Variants in PIGW observed in about 807,000 individuals in gnomAD.
PIGW encodes the protein glucosaminyl-phosphatidylinositol-acyltransferase PIGW.
In PIGW, 23 loss-of-function variants were observed where a neutral mutation model predicts 34.0. The ratio of observed to expected loss-of-function variants is 0.68; its 90% CI spans 0.49 to 0.96. The LOEUF is 0.96. Among genes scored for constraint, PIGW ranks in the 40% least tolerant of loss-of-function variants. The pLI, the probability that PIGW is intolerant of heterozygous loss-of-function variation, is 0.00. For missense variants in PIGW, 574 were observed against 586.3 expected, an observed-to-expected ratio of 0.98 and a Z score of 0.22; for synonymous variants, 225 against 225.2, an observed-to-expected ratio of 1.00 and a Z score of 0.01.
intron 1 of PIGW, among the ~76,000 whole-genome samples, chr17:36,536,496 G>A (rs1176908506): frequency 6.7e-6 from 1 of 149,710 alleles, no homozygotes; most frequent in African/African-American, 2.5e-5. Context: ...TCCCAAATTC[G>A]CTCTCTTTTC....
intron 1 of PIGW, among the ~76,000 whole-genome samples, chr17:36,536,848 C>T (rs929585351): frequency 6.6e-6 from 1 of 152,186 alleles, no homozygotes; most frequent in African/African-American, 2.4e-5. Context: ...CTGTCTTGTA[C>T]AGGGAATAGC....
At position 36,538,089 on chromosome 17, in the gene PIGW, C is replaced by G; in HGVS notation, c.988C>G (p.Arg330Gly). 1 of 1,614,134 alleles carries G rather than the reference C, an allele frequency of 6.2e-7. No individual in the cohort carries two copies. The highest frequency in any genetic ancestry group is 1.1e-5 in the South Asian group (1 of 91,082). Residue 330 changes from arginine (R) to glycine (G), a missense_variant, in exon 2 of 2, where the codon CGA (arginine) becomes GGA (glycine). Transcript: ENST00000614443. The stretch of plus-strand genomic sequence containing the variant: ...AACAGGGTTATATATGCATAAGAAC[C>G]GATCACATATCAAAGACTTGATAAA... Reference protein sequence around the residue: ...VQTGLYMHKNRSHIKDLIKVA... With the variant: ...VQTGLYMHKNGSHIKDLIKVA...
chr17:36,538,562 C>A lies in PIGW; in HGVS notation c.1461C>A (p.Asn487Lys). The A allele has an allele frequency of 6.2e-7, 1 of 1,613,602 alleles. No homozygotes were observed. The highest frequency in any genetic ancestry group is 1.3e-5 in the African/African-American group (1 of 75,004). Reference protein sequence around the residue: ...LFVVNLYMFSNCLIVYVLYLQ... With the variant: ...LFVVNLYMFSKCLIVYVLYLQ... ...TGGTCAATCTCTATATGTTTTCCAA[C>A]TGTTTAATTGTATATGTACTATATT... Residue 487 changes from asparagine (N) to lysine (K), a missense_variant, in exon 2 of 2, where the codon AAC (asparagine) becomes AAA (lysine). Physicochemically the swap from Asn to Lys is moderately conservative, Grantham distance 94 (BLOSUM62 0). Coordinates refer to ENST00000614443, the MANE Select transcript of PIGW (RefSeq NM_001346754.2).
rs1567808826 is a variant in PIGW at position 36,537,657 on chromosome 17, A to T, written c.556A>T (p.Arg186Trp). 6.2e-7 allele frequency: 1 copy of T among 1,614,208 alleles called. No individual in the cohort carries two copies. ...GTCTGCAATGGTTTGTCTAGAGGTC[A>T]GGAGGAGAAAATATATGGAAGGGTC... ...FGSAMVCLEV[R>W]RRKYMEGSKL... Residue 186 changes from arginine (R) to tryptophan (W), a missense_variant, in exon 2 of 2, where the codon AGG (arginine) becomes TGG (tryptophan). Arg to Trp is a moderately radical substitution (Grantham distance 101). Coordinates refer to ENST00000614443, the MANE Select transcript of PIGW (RefSeq NM_001346754.2).
At position 36,538,622 on chromosome 17, in the gene PIGW, A is replaced by T; in HGVS notation, c.*6A>T. ...AGACTGTACAATTTTGGTGATCAGC[A>T]GGAGTAGGATATATAAGTATTTGGG... On this transcript the variant is annotated 3_prime_UTR_variant, in exon 2 of 2. Transcript: ENST00000614443. 1 of 1,570,660 alleles carries T rather than the reference A, an allele frequency of 6.4e-7. No homozygotes were observed. The highest frequency in any genetic ancestry group is 8.7e-7 in the Non-Finnish European group (1 of 1,149,980).
chr17:36,537,911 A>G lies in PIGW; in HGVS notation c.810A>G (p.Val270=), dbSNP rs1314718849. The G allele has an allele frequency of 6.2e-7, 1 of 1,614,064 alleles. No individual in the cohort carries two copies. The highest frequency in any genetic ancestry group is 1.7e-5 in the Admixed American group (1 of 60,014). The change falls in exon 2 of 2, where the codon GTA becomes GTG. Residue 270 remains valine (V), a synonymous_variant. Coordinates refer to ENST00000614443, the MANE Select transcript of PIGW (RefSeq NM_001346754.2). ...GGATTATTGCCCTCGGCATTACTGT[A>G]TTATACCAGCTAGCCCTTGACTTTA... ...KSWIIALGIT[V]LYQLALDFTS...
Position 36,537,393 on chromosome 17 carries a change from T to C in PIGW, c.292T>C (p.Tyr98His), listed in dbSNP as rs144724068. The change falls in exon 2 of 2, where the codon TAC becomes CAC. Residue 98 changes from tyrosine (Y) to histidine (H), a missense_variant. Coordinates refer to ENST00000614443, the MANE Select transcript of PIGW (RefSeq NM_001346754.2). ...TGGGGCAGGGCTGTTGTATCAAATA[T>C]ACCGAAGGAGGACCTGCTATGCCAG... Reference protein sequence around the residue: ...IFGAGLLYQIYRRRTCYARLP... With the variant: ...IFGAGLLYQIHRRRTCYARLP... The C allele has an allele frequency of 1.7e-5, 27 of 1,613,946 alleles. No homozygotes were observed. Among genetic ancestry groups the C allele is most frequent in the Non-Finnish European group, 2.3e-5 (27 of 1,180,034 alleles).
chr17:36,537,697 T>G lies in PIGW; in HGVS notation c.596T>G (p.Phe199Cys). The G allele has an allele frequency of 6.2e-7, 1 of 1,614,170 alleles. No homozygotes were observed. Among genetic ancestry groups the G allele is most frequent in the Non-Finnish European group, 8.5e-7 (1 of 1,180,040 alleles). The change falls in exon 2 of 2, where the codon TTT (phenylalanine) becomes TGT (cysteine). Residue 199 changes from phenylalanine to cysteine, a missense_variant. Transcript: ENST00000614443. ...KYMEGSKLHY[F>C]TNSLYSVWPL... Reference sequence around the variant, plus strand: ...ATGGAAGGGTCCAAATTGCATTACTTTACAAACTCATTGTACTCTGTTTGG... The same window carrying G: ...ATGGAAGGGTCCAAATTGCATTACTGTACAAACTCATTGTACTCTGTTTGG...
chr17:36,535,084 T>C lies in PIGW; in HGVS notation c.-517T>C, dbSNP rs1288117599. ...GATGTTTTGCGACCCTGGGGTAAAA[T>C]GAGGGTAAAGCGGCAGCTTCCCACG... is the stretch of plus-strand genomic sequence containing the variant. On this transcript the variant is annotated 5_prime_UTR_variant, in exon 1 of 2. An upstream start codon of the reference 5' UTR is lost. Transcript: ENST00000614443. The C allele has an allele frequency of 3.3e-5, 5 of 152,210 alleles. No homozygotes were observed. The highest frequency in any genetic ancestry group is 4.8e-5 in the African/African-American group (2 of 41,404). 9.4% of individuals were successfully genotyped at this position (152,210 alleles called of 1,614,324 possible).
At position 36,538,233 on chromosome 17, in the gene PIGW, G is replaced by C. The variant is rs79448900; in HGVS notation, c.1132G>C (p.Val378Leu). Residue 378 changes from valine (V) to leucine (L), a missense_variant, in exon 2 of 2, where the codon GTT becomes CTT. Physicochemically the swap from Val to Leu is conservative, Grantham distance 32. Coordinates refer to ENST00000614443, the MANE Select transcript of PIGW (RefSeq NM_001346754.2). ...AAATTTAGCCTTTTGTATTTGGATA[G>C]TTGCTTCTAGCCTGATCCTTCTTAG... Reference protein sequence around the residue: ...MANLAFCIWIVASSLILLSSL... With the variant: ...MANLAFCIWILASSLILLSSL... 781 of 1,613,104 alleles carry C rather than the reference G, an allele frequency of 4.8e-4. 2 individuals carry two copies. In the African/African-American group the frequency reaches 8.5e-3, roughly 17 times the overall value.
In PIGW at chr17:36,538,436, C is replaced by T. The variant is rs777402145; in HGVS notation, c.1335C>T (p.Asn445=). Residue 445 remains asparagine, a synonymous_variant, in exon 2 of 2, where the codon AAC becomes AAT. Coordinates refer to ENST00000614443, the MANE Select transcript of PIGW (RefSeq NM_001346754.2). ...EPSLCLITAL[N]RKQLIFFLLS... ...GTCTTTGTTTAATCACAGCTCTAAA[C>T]AGAAAACAGTTAATATTTTTCTTGC... is the stretch of plus-strand genomic sequence containing the variant. 2 of 1,614,122 alleles carry T rather than the reference C, an allele frequency of 1.2e-6. No homozygotes were observed. Among genetic ancestry groups the T allele is most frequent in the Non-Finnish European group, 8.5e-7 (1 of 1,180,016 alleles).
Position 36,537,476 on chromosome 17 carries a change from C to T in PIGW, c.375C>T (p.Tyr125=), listed in dbSNP as rs757276440. The T allele has an allele frequency of 3.1e-6, 5 of 1,614,132 alleles. No homozygotes were observed. Among genetic ancestry groups the T allele is most frequent in the Non-Finnish European group, 4.2e-6 (5 of 1,180,012 alleles). Residue 125 remains tyrosine, a synonymous_variant, in exon 2 of 2, where the codon TAC becomes TAT. Transcript: ENST00000614443. ...KFLNISLESE[Y]NPAISCFRVI... is the part of the protein sequence containing the mutation. The stretch of plus-strand genomic sequence containing the variant: ...TGAACATCAGTCTAGAATCAGAATA[C>T]AATCCAGCCATCTCCTGTTTCCGTG...
At chr17:36,537,018 A>C (rs1245451151) in intron 1 of PIGW, 76 bp from the exon 2 acceptor site, 1 of 1,305,994 alleles carries the variant, frequency 7.7e-7, no homozygotes, top group Non-Finnish European at 1.1e-6. Flanking sequence ...TAATAAGAGT[A>C]AAATTAAGCC....
intron 1 of PIGW, 75 bp downstream of exon 1, chr17:36,535,667 A>AT (rs1033283490): frequency 6.6e-6 from 1 of 152,158 alleles, no homozygotes; most frequent in Non-Finnish European, 1.5e-5. Flanking sequence ...TTTTATGTTT[A>AT]TTTTTTAAGA....
chr17:36,535,562 C>T lies in PIGW; in HGVS notation c.-39C>T, dbSNP rs559654176. On this transcript the variant is annotated 5_prime_UTR_variant, in exon 1 of 2. Coordinates refer to ENST00000614443, the MANE Select transcript of PIGW (RefSeq NM_001346754.2). Reference sequence around the variant, plus strand: ...AGTCCGGCTGCCCTTCCCACGTAGACCGTCTGCTGGGGGCGCCGGCACCAT... The same window carrying T: ...AGTCCGGCTGCCCTTCCCACGTAGATCGTCTGCTGGGGGCGCCGGCACCAT... The T allele has an allele frequency of 1.3e-5, 2 of 152,388 alleles. No individual in the cohort carries two copies. Among genetic ancestry groups the T allele is most frequent in the Admixed American group, 6.5e-5 (1 of 15,306 alleles). The allele number at this position is 152,388 out of a possible 1,614,324, so 9.4% of individuals were successfully genotyped here.
chr17:36,536,806 C>T (rs775158962), intron 1 of PIGW, among the ~76,000 whole-genome samples: 85 of 152,246 alleles, frequency 5.6e-4, no homozygotes, highest in Non-Finnish European at 8.1e-4. Flanking sequence ...TGAGCCACCA[C>T]GCCTGGCCCC....
intron 1 of PIGW, among the ~76,000 whole-genome samples, chr17:36,535,968 C>T (rs535302185): frequency 6.6e-6 from 1 of 152,180 alleles, no homozygotes; most frequent in Admixed American, 6.5e-5. Context: ...GAGATATTGT[C>T]ACAGGTTCCA....
At chr17:36,536,946 G>T (rs1340953466) in intron 1 of PIGW, 148 bp from the exon 2 acceptor site, 1 of 630,710 alleles carries the variant, frequency 1.6e-6, no homozygotes, top group Admixed American at 3.1e-5. Flanking sequence ...ACAATCCTTG[G>T]AAGGGGAATC....
At chr17:36,536,016 T>C (rs1474107783) in intron 1 of PIGW, among the ~76,000 whole-genome samples, 1 of 152,174 alleles carries the variant, frequency 6.6e-6, no homozygotes, top group Non-Finnish European at 1.5e-5. Context: ...ACTTACTTAT[T>C]CAGCTCATGG....
Sources: gnomAD v4.1 joint callset for allele counts (sites outside exome capture counted in the v4.1 genomes callset) on GRCh38, gnomAD v4.1.1 for gene constraint, MANE v1.5 for transcripts, NCBI Gene and HGNC (gene_info 2026-07-23, HGNC 2026-07-21) for gene names.